AMPD2: variants seen among roughly 807,000 people sequenced by gnomAD.
AMPD2 encodes the protein AMP deaminase 2.
In AMPD2, 52 loss-of-function variants were observed where a neutral mutation model predicts 91.3. The ratio of observed to expected loss-of-function variants is 0.57; its 90% confidence interval spans 0.46 to 0.72. The LOEUF is 0.72. Among genes scored for constraint, AMPD2 ranks in the 30% least tolerant of loss-of-function variants. The pLI, the probability that AMPD2 is intolerant of heterozygous loss-of-function variation, is 0.00. For missense variants in AMPD2, 822 were observed against 1,122.3 expected, an observed-to-expected ratio of 0.73 and a Z score of 3.82; for synonymous variants, 455 against 456.4, an observed-to-expected ratio of 1.00 and a Z score of 0.04.
At position 109,629,017 on chromosome 1, in the gene AMPD2, G is replaced by A. The variant is rs146887421; in HGVS notation, c.1572-92G>A. On this transcript the variant is annotated intron_variant, in intron 13 of 18. Coordinates refer to ENST00000528667, the MANE Select transcript of AMPD2 (RefSeq NM_001368809.2). ...CAATATGGTTCAGATGCGCCCCTGC[G>A]CTCTTGGGCCAAGCTCTGACCCTTG... The A allele has an allele frequency of 3.1e-4, 486 of 1,550,896 alleles. 1 individual carries two copies. The highest frequency in any genetic ancestry group is 1.2e-3 in the Middle Eastern group (6 of 4,862).
Position 109,628,914 on chromosome 1 carries a change from C to T in AMPD2, c.1571+108C>T. On this transcript the variant is annotated intron_variant, in intron 13 of 18. Transcript: ENST00000528667. The surrounding 1 kb of genome is among the most constrained non-coding windows in gnomAD (Gnocchi z 7.1). ...TGAGCCTCCCTTGTCCCTGCCAACCCCTCTGAGTGCAAGGAAGGGCTTCCT... is the reference window on the plus strand; with the variant it reads ...TGAGCCTCCCTTGTCCCTGCCAACCTCTCTGAGTGCAAGGAAGGGCTTCCT... 6 of 1,458,246 alleles carry T rather than the reference C, an allele frequency of 4.1e-6. No individual in the cohort carries two copies. In the Middle Eastern group the frequency reaches 7.4e-4, roughly 181 times the overall value. The allele number at this position is 1,458,246 out of a possible 1,614,324, so 90.3% of individuals were successfully genotyped here. A position where few individuals can be genotyped will look rare whatever the true frequency, so the allele number is the denominator to read the frequency against.
Position 109,624,013 on chromosome 1 carries a change from G to A in AMPD2, c.92-1290G>A. 3 of 985,734 alleles carry A rather than the reference G, an allele frequency of 3.0e-6. No individual in the cohort carries two copies. Among genetic ancestry groups the A allele is most frequent in the Non-Finnish European group, 3.6e-6 (3 of 830,180 alleles). The allele number at this position is 985,734 out of a possible 1,614,324, so 61.1% of individuals were successfully genotyped here. On this transcript the variant is annotated intron_variant, in intron 2 of 18. Coordinates refer to ENST00000528667, the MANE Select transcript of AMPD2 (RefSeq NM_001368809.2). The surrounding 1 kb of genome is among the most constrained non-coding windows in gnomAD (Gnocchi z 5.2). The stretch of plus-strand genomic sequence containing the variant: ...GTACAGCCTGTGCCAGCCCCTGAGG[G>A]ACCGGCTGCAGCTTCACTGGCAAAC...
At chr1:109,629,513 G>C in intron 15 of AMPD2, 23 bp downstream of exon 15, 1 of 1,608,716 alleles carries the variant, frequency 6.2e-7, no homozygotes, top group Non-Finnish European at 8.5e-7. Flanking sequence ...CCCTGTGTCT[G>C]CTTGCTATGC....
chr1:109,627,335 A>G lies in AMPD2; in HGVS notation c.860+19A>G, dbSNP rs524998. The G allele has an allele frequency of 0.69, 1,112,619 of 1,609,906 alleles. 390,832 individuals carry two copies. Among genetic ancestry groups the G allele is most frequent in the East Asian group, 0.99 (44,173 of 44,790 alleles). ...ACGAGCAGTAAGAGGGGTGTGGTGCATGTTGGGGGGATGCAGCGTGGGAGG... is the reference window on the plus strand; with the variant it reads ...ACGAGCAGTAAGAGGGGTGTGGTGCGTGTTGGGGGGATGCAGCGTGGGAGG... On this transcript the variant is annotated intron_variant, in intron 8 of 18. Coordinates refer to ENST00000528667, the MANE Select transcript of AMPD2 (RefSeq NM_001368809.2).
rs1320286834 is a variant in AMPD2, at chr1:109,621,181, A to G, written c.6A>G (p.Ala2=). M[A]SYPSGSGKPK... ...TCGCCGCCGTGGTCCCAGCCATGGC[A>G]TCCTATCCATCTGGCTCTGGCAAGC... is the stretch of plus-strand genomic sequence containing the variant. The change falls in exon 2 of 19, where the codon GCA becomes GCG. Residue 2 remains alanine (A), a synonymous_variant. Coordinates refer to ENST00000528667, the MANE Select transcript of AMPD2 (RefSeq NM_001368809.2). 1.2e-6 allele frequency: 2 copies of G among 1,604,160 alleles called. No individual in the cohort carries two copies. Among genetic ancestry groups the G allele is most frequent in the Non-Finnish European group, 1.7e-6 (2 of 1,174,924 alleles).
rs1172937246 is a variant in AMPD2, at chr1:109,620,254, C to G, written c.-287C>G. The G allele has an allele frequency of 6.2e-7, 1 of 1,614,112 alleles. No homozygotes were observed. The highest frequency in any genetic ancestry group is 1.1e-5 in the South Asian group (1 of 91,084). ...AGACTTCTCGTGGGCAGCCTCCCCTCGGAACTCGGGCATCATGGCCTCAGG... is the reference window on the plus strand; with the variant it reads ...AGACTTCTCGTGGGCAGCCTCCCCTGGGAACTCGGGCATCATGGCCTCAGG... On this transcript the variant is annotated 5_prime_UTR_variant, in exon 1 of 19. Transcript: ENST00000528667.
intron 10 of AMPD2, 22 bp downstream of exon 10, chr1:109,627,925 G>T: frequency 6.2e-7 from 1 of 1,612,578 alleles, no homozygotes; most frequent in Non-Finnish European, 8.5e-7. Context: ...CCCCGTGGCC[G>T]TCTCCATGTC....
In AMPD2 at chr1:109,629,904, CCTT is replaced by C. The variant is rs771742899; in HGVS notation, c.1974_1976del (p.Leu659del). 3 of 1,608,818 alleles carry C rather than the reference CCTT, an allele frequency of 1.9e-6. No individual in the cohort carries two copies. Among genetic ancestry groups the C allele is most frequent in the South Asian group, 1.1e-5 (1 of 90,518 alleles). ...TGGCTGAGAACATTTCCCACGGGCT[CCTT>C]CTGCGCAAGGTCAGGATCTGCACCC... On this transcript the variant is annotated inframe_deletion, in exon 16 of 19. Coordinates refer to ENST00000528667, the MANE Select transcript of AMPD2 (RefSeq NM_001368809.2).
Position 109,626,145 on chromosome 1 carries a change from C to A in AMPD2, c.354-15C>A, listed in dbSNP as rs771249006. The A allele has an allele frequency of 6.2e-7, 1 of 1,613,920 alleles. No individual in the cohort carries two copies. The highest frequency in any genetic ancestry group is 1.3e-5 in the African/African-American group (1 of 74,902). ...CCTCGGGATCTGCCTGACTTCTCACCCCTCTTGCCTCTAGGCTGGAGCCAG... is the reference window on the plus strand; with the variant it reads ...CCTCGGGATCTGCCTGACTTCTCACACCTCTTGCCTCTAGGCTGGAGCCAG... On this transcript the variant is annotated splice_polypyrimidine_tract_variant and intron_variant, in intron 4 of 18. Coordinates refer to ENST00000528667, the MANE Select transcript of AMPD2 (RefSeq NM_001368809.2).
rs767345675 is a variant in AMPD2, at chr1:109,628,321, G to T, written c.1276-43G>T. ...GGCTGTGGGACTGAGTCAGTCAGGG[G>T]ACCAGGAGTCACGGGTGACCTGAGC... On this transcript the variant is annotated intron_variant, in intron 11 of 18. Transcript: ENST00000528667. This position sits in a 1 kb window ranked among gnomAD's most constrained non-coding sequence, Gnocchi z 7.1. 3.1e-6 allele frequency: 5 copies of T among 1,613,346 alleles called. No individual in the cohort carries two copies. The highest frequency in any genetic ancestry group is 4.2e-6 in the Non-Finnish European group (5 of 1,179,566).
chr1:109,625,662 G>C lies in AMPD2; in HGVS notation c.223G>C (p.Glu75Gln). The change falls in exon 4 of 19, where the codon GAG becomes CAG. Residue 75 changes from glutamate to glutamine, a missense_variant and splice_region_variant. Transcript: ENST00000528667. The surrounding 1 kb of genome is among the most constrained non-coding windows in gnomAD (Gnocchi z 4.0). ...MDGKCKEIAE[E>Q]LFTRSLAESE... ...GCTGACCTTCCTTCCCTCCCCCCAG[G>C]AGCTGTTCACCCGCTCACTGGCTGA... 6.2e-7 allele frequency: 1 copy of C among 1,613,818 alleles called. No homozygotes were observed. The highest frequency in any genetic ancestry group is 8.5e-7 in the Non-Finnish European group (1 of 1,179,800).
chr1:109,630,712 C>T lies in AMPD2; in HGVS notation c.2187C>T (p.Ala729=). The change falls in exon 18 of 19, where the codon GCC becomes GCT. Residue 729 remains alanine, a synonymous_variant. Transcript: ENST00000528667. ...KEPLMEEYSI[A]TQVWKLSSCD... is the part of the protein sequence containing the mutation. ...CGCTGATGGAGGAGTACAGCATCGC[C>T]ACCCAGGTGTGGAAGCTCAGCTCCT... is the stretch of plus-strand genomic sequence containing the variant. 1.2e-6 allele frequency: 2 copies of T among 1,612,504 alleles called. No homozygotes were observed. Among genetic ancestry groups the T allele is most frequent in the Non-Finnish European group, 1.7e-6 (2 of 1,179,658 alleles).
chr1:109,627,250 T>A lies in AMPD2; in HGVS notation c.794T>A (p.Leu265Gln). 1 of 1,611,792 alleles carries A rather than the reference T, an allele frequency of 6.2e-7. No homozygotes were observed. Among genetic ancestry groups the A allele is most frequent in the Admixed American group, 1.7e-5 (1 of 59,750 alleles). The change falls in exon 8 of 19, where the codon CTG becomes CAG. Residue 265 changes from leucine (L) to glutamine (Q), a missense_variant. Physicochemically the swap from Leu to Gln is moderately radical, Grantham distance 113 (BLOSUM62 -2). Coordinates refer to ENST00000528667, the MANE Select transcript of AMPD2 (RefSeq NM_001368809.2). ...HCEPSTMPGD[L>Q]GLGLRMVRGV... ...GAGCCAAGCACCATGCCTGGGGACC[T>A]GGGCTTGGGTCTGCGCATGGTGCGG...
Position 109,625,345 on chromosome 1 carries a change from G to A in AMPD2, c.134G>A (p.Arg45Gln), listed in dbSNP as rs771577116. 26 of 1,613,386 alleles carry A rather than the reference G, an allele frequency of 1.6e-5. 1 individual carries two copies. In the East Asian group the frequency reaches 4.7e-4, roughly 29 times the overall value. ...GLGAPPLQSARSLPGPAPCLK... is the reference protein window; with the variant it reads ...GLGAPPLQSAQSLPGPAPCLK... ...GGGGCCCCTCCGCTGCAGTCTGCCC[G>A]ATCCCTGCCGGGCCCCGCCCCCTGC... The change falls in exon 3 of 19, where the codon CGA becomes CAA. Residue 45 changes from arginine to glutamine, a missense_variant. By Grantham distance (43) the Arg-to-Gln change is conservative (BLOSUM62 1). Coordinates refer to ENST00000528667, the MANE Select transcript of AMPD2 (RefSeq NM_001368809.2). The surrounding 1 kb of genome is among the most constrained non-coding windows in gnomAD (Gnocchi z 4.0).
Position 109,627,432 on chromosome 1 carries a change from C to T in AMPD2, c.864C>T (p.Cys288=), listed in dbSNP as rs777653877. Residue 288 remains cysteine, a synonymous_variant, in exon 9 of 19, where the codon TGC becomes TGT. Coordinates refer to ENST00000528667, the MANE Select transcript of AMPD2 (RefSeq NM_001368809.2). ...CCCAAGCTCCCCTCCATGCCAGTTG[C>T]TCAGAGGTGGAGCTGCCATACCCTG... is the stretch of plus-strand genomic sequence containing the variant. ...VYTRREPDEH[C]SEVELPYPDL... 1.6e-5 allele frequency: 26 copies of T among 1,613,974 alleles called. No individual in the cohort carries two copies. Among genetic ancestry groups the T allele is most frequent in the Admixed American group, 5.0e-5 (3 of 60,000 alleles).
Position 109,625,183 on chromosome 1 carries a change from A to G in AMPD2, c.92-120A>G. On this transcript the variant is annotated intron_variant, in intron 2 of 18. Transcript: ENST00000528667. The surrounding 1 kb of genome is among the most constrained non-coding windows in gnomAD (Gnocchi z 4.0). The stretch of plus-strand genomic sequence containing the variant: ...CAGGCCTACTCCTCAGCTACTGAGG[A>G]GGGACTGCCCTCTTTCCCGACCCTG... 1 of 1,384,934 alleles carries G rather than the reference A, an allele frequency of 7.2e-7. No homozygotes were observed. The highest frequency in any genetic ancestry group is 9.8e-7 in the Non-Finnish European group (1 of 1,020,640). 85.8% of individuals were successfully genotyped at this position (1,384,934 alleles called of 1,614,324 possible).
intron 17 of AMPD2, 75 bp downstream of exon 17, chr1:109,630,481 T>TG (rs760034212): frequency 0.039 from 2,495 of 63,940 alleles, 4 homozygotes; most frequent in East Asian, 0.054. Context: ...TGGGGGGCGG[T>TG]GGGGGGGGCG....
rs1246110014 is a variant in AMPD2 at position 109,627,279 on chromosome 1, G to A, written c.823G>A (p.Val275Met). ...LGLGLRMVRG[V>M]VHVYTRREPD... ...CTTGGGTCTGCGCATGGTGCGGGGT[G>A]TGGTGCACGTCTACACCCGCAGGGA... The change falls in exon 8 of 19, where the codon GTG (valine) becomes ATG (methionine). Residue 275 changes from valine (V) to methionine (M), a missense_variant. Physicochemically the swap from Val to Met is conservative, Grantham distance 21. Coordinates refer to ENST00000528667, the MANE Select transcript of AMPD2 (RefSeq NM_001368809.2). 6.2e-7 allele frequency: 1 copy of A among 1,607,868 alleles called. No individual in the cohort carries two copies.
chr1:109,628,855 G>C lies in AMPD2; in HGVS notation c.1571+49G>C. On this transcript the variant is annotated intron_variant, in intron 13 of 18. Transcript: ENST00000528667. The surrounding 1 kb of genome is among the most constrained non-coding windows in gnomAD (Gnocchi z 7.1). ...GGAACCTGCGGGGTCATATTCAAGG[G>C]GTCAGGGCCTGCCTCCTGCCCTCCT... 6.5e-7 allele frequency: 1 copy of C among 1,529,770 alleles called. No individual in the cohort carries two copies. Among genetic ancestry groups the C allele is most frequent in the Non-Finnish European group, 8.8e-7 (1 of 1,133,780 alleles). The allele number at this position is 1,529,770 out of a possible 1,614,324, so 94.8% of individuals were successfully genotyped here. A position where few individuals can be genotyped will look rare whatever the true frequency, so the allele number is the denominator to read the frequency against.
Sources: allele counts gnomAD v4.1 joint callset, GRCh38; gene constraint gnomAD v4.1.1; non-coding constraint Gnocchi (gnomAD v3.1); transcripts MANE v1.5; gene names NCBI Gene and HGNC (gene_info 2026-07-23, HGNC 2026-07-21).